Variants in MXD3 observed in about 807,000 individuals in gnomAD.
The protein encoded by MXD3 is MAX dimerization protein 3.
A neutral mutation model predicts 27.5 loss-of-function variants in MXD3; 20 were observed. The ratio of observed to expected loss-of-function variants is 0.73; its 90% CI spans 0.51 to 1.06. The LOEUF is 1.06. Among genes scored for constraint, MXD3 ranks in the 50% least tolerant of loss-of-function variants. The pLI, the probability that MXD3 is intolerant of heterozygous loss-of-function variation, is 0.00. For synonymous variants in MXD3, 150 were observed against 130.7 expected (o/e 1.15, Z -1.01); for missense variants, 298 against 291.3 (o/e 1.02, Z -0.17).
Position 177,307,863 on chromosome 5 carries a change from T to TGCCAGCCCCC in MXD3, c.413_422dup (p.Ala144GlyfsTer22). ...GCAGCCGCTCCCGCTCGGCCGCCCC[T>TGCCAGCCCCC]GCCAGCCCCCGGAGCTGCTCCAGCT... On this transcript the variant is annotated frameshift_variant, in exon 5 of 6. Coordinates refer to ENST00000439742, the MANE Select transcript of MXD3 (RefSeq NM_031300.4). LOFTEE classifies it high-confidence loss of function. 3 of 1,609,738 alleles carry TGCCAGCCCCC rather than the reference T, an allele frequency of 1.9e-6. No individual in the cohort carries two copies. Among genetic ancestry groups the TGCCAGCCCCC allele is most frequent in the Non-Finnish European group, 2.5e-6 (3 of 1,178,704 alleles).
chr5:177,311,354 C>A, intron 2 of MXD3, 25 bp downstream of exon 2: 1 of 1,409,612 alleles, frequency 7.1e-7, no homozygotes. Context: ...CCCACCCCCA[C>A]TCCCGCCGCC....
At chr5:177,312,288 G>A (rs1761057188), upstream of MXD3, 5 of 986,680 alleles carry the variant, frequency 5.1e-6, no homozygotes, top group South Asian at 1.8e-4. Context: ...CGTGGGTGCC[G>A]CGGGGGCGGG....
At chr5:177,307,100 C>A, downstream of MXD3, 1 of 1,492,510 alleles carries the variant, frequency 6.7e-7, no homozygotes, top group South Asian at 1.3e-5. Context: ...AAGTGCACTG[C>A]CTGGCACGGC....
chr5:177,310,374 C>G, intron 4 of MXD3, 52 bp downstream of exon 4: 2 of 1,446,106 alleles, frequency 1.4e-6, no homozygotes, highest in Non-Finnish European at 1.9e-6. Flanking sequence ...CTCCATAGCA[C>G]AGCCCTCCAT....
At chr5:177,310,816 G>C (rs1298400851) in intron 2 of MXD3, 119 bp from the exon 3 acceptor site, 3 of 1,176,412 alleles carry the variant, frequency 2.6e-6, no homozygotes, top group Non-Finnish European at 3.7e-6. Context: ...GTCCCCTGTG[G>C]AGAGCTCATG....
intron 4 of MXD3, among the ~76,000 whole-genome samples, chr5:177,308,806 C>G (rs1760965023): frequency 6.6e-6 from 1 of 152,204 alleles, no homozygotes; most frequent in Non-Finnish European, 1.5e-5. Flanking sequence ...AGCTCCTGGT[C>G]ACGATCCCTA....
In MXD3 at chr5:177,307,700, T is replaced by A. The variant is rs1760921292; in HGVS notation, c.509A>T (p.Glu170Val). 6.2e-7 allele frequency: 1 copy of A among 1,613,514 alleles called. No homozygotes were observed. The highest frequency in any genetic ancestry group is 8.5e-7 in the Non-Finnish European group (1 of 1,179,914). Residue 170 changes from glutamate (E) to valine (V), a missense_variant, in exon 6 of 6, where the codon GAG becomes GTG. Glu to Val is a moderately radical substitution (Grantham distance 121). Transcript: ENST00000439742. ...CAGGCTCTCCACATCCACCTCCAGC[T>A]CCTCTGCGCGGGGAGGGGTCCGGTC... ...SSERSDSDQE[E>V]LEVDVESLVF...
downstream of MXD3, chr5:177,306,874 G>C: frequency 2.7e-6 from 2 of 727,460 alleles, no homozygotes; most frequent in Non-Finnish European, 4.4e-6. Context: ...ACAAGGGCAG[G>C]GCTTTTGGTT....
At chr5:177,310,386 C>A in intron 4 of MXD3, 40 bp downstream of exon 4, 1 of 1,537,508 alleles carries the variant, frequency 6.5e-7, no homozygotes, top group Non-Finnish European at 8.9e-7. Context: ...GCCCTCCATA[C>A]ACCAGGGCAA....
downstream of MXD3, chr5:177,306,286 G>GT: frequency 6.4e-7 from 1 of 1,560,328 alleles, no homozygotes; most frequent in Non-Finnish European, 8.8e-7. Flanking sequence ...CTCCTTGTCT[G>GT]TACTGGGGGT....
At chr5:177,306,120 A>G (rs1469172307), downstream of MXD3, 1 of 1,613,804 alleles carries the variant, frequency 6.2e-7, no homozygotes, top group African/African-American at 1.3e-5. Context: ...GCCCGATTCA[A>G]AAGCAACGTG....
downstream of MXD3, chr5:177,307,096 A>G (rs1050877069): frequency 2.0e-6 from 3 of 1,482,534 alleles, no homozygotes; most frequent in Admixed American, 2.5e-5. Flanking sequence ...AATTAAGTGC[A>G]CTGCCTGGCA....
chr5:177,306,322 T>C, downstream of MXD3: 1 of 1,587,162 alleles, frequency 6.3e-7, no homozygotes. Context: ...ACCACCTTTT[T>C]AGTGGAGCCT....
intron 1 of MXD3, 138 bp downstream of exon 1, chr5:177,311,623 A>C: frequency 8.8e-7 from 1 of 1,136,312 alleles, no homozygotes; most frequent in Non-Finnish European, 1.2e-6. Flanking sequence ...CCGCCCCGGG[A>C]CTCCTCTCGA....
In MXD3 at chr5:177,307,395, C is replaced by T. The variant is rs1185804712; in HGVS notation, c.*193G>A. On this transcript the variant is annotated 3_prime_UTR_variant, in exon 6 of 6. Transcript: ENST00000439742. ...TCCAGGGAGGTCCTGATGAGTCCTG[C>T]CCCTTCCCTTCCAGAGGGCCTGCCT... The T allele has an allele frequency of 6.7e-7, 1 of 1,490,068 alleles. No individual in the cohort carries two copies. The highest frequency in any genetic ancestry group is 9.1e-7 in the Non-Finnish European group (1 of 1,098,752). The allele number at this position is 1,490,068 out of a possible 1,614,324, so 92.3% of individuals were successfully genotyped here.
chr5:177,311,720 C>T, intron 1 of MXD3, 41 bp downstream of exon 1: 1 of 1,594,802 alleles, frequency 6.3e-7, no homozygotes, highest in Non-Finnish European at 8.6e-7. Context: ...CCCGTGTCAG[C>T]GAGGTCGCCG....
rs761436067 is a variant in MXD3 at position 177,307,743 on chromosome 5, C to T, written c.505+38G>A. On this transcript the variant is annotated intron_variant, in intron 5 of 5. Transcript: ENST00000439742. Reference sequence around the variant, plus strand: ...GTCCGGTCAGAAGACCTGGCTCGCCCCGAGGGCCACACAACCCCTCAGCCT... The same window carrying T: ...GTCCGGTCAGAAGACCTGGCTCGCCTCGAGGGCCACACAACCCCTCAGCCT... The T allele has an allele frequency of 2.5e-6, 4 of 1,613,146 alleles. No homozygotes were observed. In the African/African-American group the frequency reaches 5.3e-5, roughly 22 times the overall value.
intron 2 of MXD3, chr5:177,311,119 T>G (rs1761024113): frequency 1.9e-6 from 1 of 526,334 alleles, no homozygotes; most frequent in Non-Finnish European, 3.3e-6. Context: ...ATGTGTGGGG[T>G]GCGGGAGTGC....
Position 177,311,376 on chromosome 5 carries a change from C to T in MXD3, c.176+3G>A. On this transcript the variant is annotated splice_donor_region_variant and intron_variant, in intron 2 of 5. Transcript: ENST00000439742. ...CCACTCCCGCCGCCCCCGGCCTCCTCACCGCCCGCTGTCCTGCGCGCCAGG... is the reference window on the plus strand; with the variant it reads ...CCACTCCCGCCGCCCCCGGCCTCCTTACCGCCCGCTGTCCTGCGCGCCAGG... 1 of 1,438,052 alleles carries T rather than the reference C, an allele frequency of 7.0e-7. No individual in the cohort carries two copies. The highest frequency in any genetic ancestry group is 9.1e-7 in the Non-Finnish European group (1 of 1,103,278). The allele number at this position is 1,438,052 out of a possible 1,614,324, so 89.1% of individuals were successfully genotyped here.
Sources: allele counts gnomAD v4.1 joint callset (sites outside exome capture counted in the v4.1 genomes callset), GRCh38; gene constraint gnomAD v4.1.1; transcripts MANE v1.5; gene names NCBI Gene and HGNC (gene_info 2026-07-23, HGNC 2026-07-21).